SASH1: variants seen among roughly 807,000 people sequenced by gnomAD.
The protein encoded by SASH1 is SAM and SH3 domain-containing protein 1.
A neutral mutation model predicts 125.2 loss-of-function variants in SASH1; 44 were observed. That is an observed-to-expected ratio of 0.35 (90% CI 0.28 to 0.45). The LOEUF (loss-of-function observed/expected upper bound fraction) is 0.45. SASH1 is among the 20% of genes least tolerant of loss of function. The pLI is 1.00. For missense variants in SASH1, 1,426 were observed against 1,614.5 expected, an observed-to-expected ratio of 0.88 and a Z score of 2.00; for synonymous variants, 639 against 649.1, an observed-to-expected ratio of 0.98 and a Z score of 0.24.
intron 4 of SASH1, among the ~76,000 whole-genome samples, chr6:148,453,206 G>A (rs1356141070): frequency 6.6e-6 from 1 of 152,196 alleles, no homozygotes; most frequent in Non-Finnish European, 1.5e-5. Flanking sequence ...GTGTGTTCTT[G>A]CTGGGATGGC....
At chr6:148,245,608 T>C in the SASH1 span, among the ~76,000 whole-genome samples, 1 of 152,130 alleles carries the variant, frequency 6.6e-6, no homozygotes, top group Non-Finnish European at 1.5e-5. Flanking sequence ...CTTTTTTCTT[T>C]CGGAAGACAT....
At chr6:148,539,855 CCAGCCTTACT>C (rs1275670251) in intron 16 of SASH1, among the ~76,000 whole-genome samples, 1 of 152,120 alleles carries the variant, frequency 6.6e-6, no homozygotes, top group Non-Finnish European at 1.5e-5. Flanking sequence ...CCTCGTCTTG[CCAGCCTTACT>C]CTTGCTGAGC....
At chr6:148,310,396 G>A (rs1196756522) in intron 1 of SASH1, among the ~76,000 whole-genome samples, 1 of 148,146 alleles carries the variant, frequency 6.8e-6, no homozygotes, top group Non-Finnish European at 1.5e-5. Context: ...TTAACAACTG[G>A]TGCTGGAACA....
intron 8 of SASH1, among the ~76,000 whole-genome samples, chr6:148,498,742 G>T (rs1366389414): frequency 6.6e-6 from 1 of 152,174 alleles, no homozygotes; most frequent in Non-Finnish European, 1.5e-5. Flanking sequence ...ATTTCAGTTT[G>T]CAATCCCAGT....
chr6:148,398,187 G>T (rs1784033135), intron 2 of SASH1, among the ~76,000 whole-genome samples: 1 of 152,180 alleles, frequency 6.6e-6, no homozygotes, highest in Non-Finnish European at 1.5e-5. Flanking sequence ...CAGGTCCTTG[G>T]ATTATTAATG....
Position 148,529,128 on chromosome 6 carries a change from C to A in SASH1, c.1428+1532C>A, listed in dbSNP as rs1039552705. Among the ~76,000 whole-genome samples the A allele has an allele frequency of 2.0e-5, 3 of 152,164 alleles. No individual in the cohort carries two copies. Among genetic ancestry groups the A allele is most frequent in the African/African-American group, 7.2e-5 (3 of 41,438 alleles). ...AGAGTGGCTGTGAAAACAGATGAAGCTTGGCCTGCTCACCCGCCACTCACC... is the reference window on the plus strand; with the variant it reads ...AGAGTGGCTGTGAAAACAGATGAAGATTGGCCTGCTCACCCGCCACTCACC... On this transcript the variant is annotated intron_variant, in intron 12 of 19. Transcript: ENST00000367467. The surrounding 1 kb of genome is among the most constrained non-coding windows in gnomAD (Gnocchi z 4.2).
At position 148,396,919 on chromosome 6, in the gene SASH1, G is replaced by T. The variant is rs114263920; in HGVS notation, c.285+6657G>T. The stretch of plus-strand genomic sequence containing the variant: ...GCTGTCATCATAAGTGACTGTAACT[G>T]TTGATTTCTTTCCGTTCCTTTCTGT... On this transcript the variant is annotated intron_variant, in intron 2 of 19. Coordinates refer to ENST00000367467, the MANE Select transcript of SASH1 (RefSeq NM_015278.5). 5.1e-3 allele frequency among the ~76,000 whole-genome samples: 784 copies of T among 152,300 alleles called. 8 individuals carry two copies. Among genetic ancestry groups the T allele is most frequent in the African/African-American group, 0.018 (750 of 41,566 alleles).
chr6:148,548,812 G>C lies in SASH1; in HGVS notation c.*254G>C. 1 of 408,548 alleles carries C rather than the reference G, an allele frequency of 2.4e-6. No homozygotes were observed. The highest frequency in any genetic ancestry group is 4.3e-6 in the Non-Finnish European group (1 of 231,120). The allele number at this position is 408,548 out of a possible 1,614,324, so 25.3% of individuals were successfully genotyped here. On this transcript the variant is annotated 3_prime_UTR_variant, in exon 20 of 20. Transcript: ENST00000367467. The stretch of plus-strand genomic sequence containing the variant: ...CAAGCACTTATTTTTATTTTCAGAA[G>C]ACAAAAGAACCAAGATGCCAACTGG...
chr6:148,386,076 G>A (rs540874178), intron 1 of SASH1, among the ~76,000 whole-genome samples: 7 of 152,240 alleles, frequency 4.6e-5, no homozygotes, highest in South Asian at 4.2e-4. Context: ...TCTCTGGTTC[G>A]GTAGTGTCGG....
At chr6:148,415,065 G>T (rs993402608) in intron 2 of SASH1, among the ~76,000 whole-genome samples, 1 of 152,134 alleles carries the variant, frequency 6.6e-6, no homozygotes, top group Admixed American at 6.6e-5. Context: ...CACCACCATC[G>T]ACTTCACAGA....
chr6:148,368,777 C>CACAT (rs1554245344), intron 1 of SASH1, among the ~76,000 whole-genome samples: 1 of 151,462 alleles, frequency 6.6e-6, no homozygotes, highest in Non-Finnish European at 1.5e-5. Flanking sequence ...CGCGCACACA[C>CACAT]ACACACACAC....
chr6:148,458,917 T>C (rs958394660), intron 4 of SASH1, among the ~76,000 whole-genome samples: 2 of 150,238 alleles, frequency 1.3e-5, no homozygotes, highest in African/African-American at 4.9e-5. Flanking sequence ...CAGTGAGCCA[T>C]GATTGTGCCA....
chr6:148,339,496 TTA>T (rs1349056077), upstream of SASH1, among the ~76,000 whole-genome samples: 1 of 151,522 alleles, frequency 6.6e-6, no homozygotes, highest in East Asian at 1.9e-4. Context: ...TAAGGTTTAA[TTA>T]TATGTGTGTG....
intron 2 of SASH1, among the ~76,000 whole-genome samples, chr6:148,418,919 A>C (rs1478541344): frequency 6.6e-6 from 1 of 152,164 alleles, no homozygotes; most frequent in East Asian, 1.9e-4. Flanking sequence ...TGCAGTTTCC[A>C]TGCAGCCAGT....
upstream of SASH1, among the ~76,000 whole-genome samples, chr6:148,341,337 T>G (rs545963107): frequency 9.8e-4 from 147 of 149,336 alleles, 1 homozygote; most frequent in African/African-American, 3.5e-3. Context: ...TTTGTTTTTT[T>G]TTTTTTTGTA....
At chr6:148,269,318 T>C (rs1348445625), upstream of SASH1, among the ~76,000 whole-genome samples, 1 of 152,040 alleles carries the variant, frequency 6.6e-6, no homozygotes, top group African/African-American at 2.4e-5. Context: ...TGGGATACGG[T>C]CTTCCTTTGC....
chr6:148,266,409 A>G, the SASH1 span, among the ~76,000 whole-genome samples: 1 of 152,234 alleles, frequency 6.6e-6, no homozygotes, highest in Non-Finnish European at 1.5e-5. Context: ...GTTACTCTCT[A>G]AGACTCAGTT....
chr6:148,522,148 A>G (rs1780855815), intron 10 of SASH1, among the ~76,000 whole-genome samples: 2 of 152,204 alleles, frequency 1.3e-5, no homozygotes, highest in South Asian at 4.1e-4. Flanking sequence ...TATCAGTCTG[A>G]GGCTGAGTAT....
Position 148,519,442 on chromosome 6 carries a change from T to C in SASH1, c.863-105T>C. The stretch of plus-strand genomic sequence containing the variant: ...TGTACATATGTAAGTGGGAGCTGGG[T>C]TTATAAAGAGGGTCATGATACGGAG... On this transcript the variant is annotated intron_variant, in intron 9 of 19. Transcript: ENST00000367467. The surrounding 1 kb of genome is among the most constrained non-coding windows in gnomAD (Gnocchi z 4.8). The C allele has an allele frequency of 1.3e-6, 1 of 791,894 alleles. No homozygotes were observed. The highest frequency in any genetic ancestry group is 2.1e-6 in the Non-Finnish European group (1 of 486,756). 49.1% of individuals were successfully genotyped at this position (791,894 alleles called of 1,614,324 possible). A position where few individuals can be genotyped will look rare whatever the true frequency, so the allele number is the denominator to read the frequency against.
Sources: allele counts gnomAD v4.1 joint callset (sites outside exome capture counted in the v4.1 genomes callset), GRCh38; gene constraint gnomAD v4.1.1; non-coding constraint Gnocchi (gnomAD v3.1); transcripts MANE v1.5; gene names NCBI Gene and HGNC (gene_info 2026-07-23, HGNC 2026-07-21).